HS6ST3: variants seen among roughly 807,000 people sequenced by gnomAD.
HS6ST3 encodes the protein heparan-sulfate 6-O-sulfotransferase 3.
A neutral mutation model predicts 36.7 loss-of-function variants in HS6ST3; 12 were observed. The observed-to-expected ratio is 0.33, with a 90% confidence interval of 0.21 to 0.53. HS6ST3 has a LOEUF of 0.53. Among genes scored for constraint, HS6ST3 ranks in the 20% least tolerant of loss-of-function variants. HS6ST3 has a pLI of 0.95. For synonymous variants in HS6ST3, 240 were observed against 257.5 expected, an observed-to-expected ratio of 0.93 and a Z score of 0.65; for missense variants, 584 against 640.9, an observed-to-expected ratio of 0.91 and a Z score of 0.96.
intron 1 of HS6ST3, among the ~76,000 whole-genome samples, chr13:96,168,431 TG>T (rs1202360712): frequency 2.6e-5 from 4 of 152,128 alleles, no homozygotes; most frequent in Non-Finnish European, 5.9e-5. Context: ...TCAGGTCAGG[TG>T]CAGTGGCTCA....
intron 1 of HS6ST3, among the ~76,000 whole-genome samples, chr13:96,472,097 G>A (rs553540710): frequency 6.6e-6 from 1 of 152,338 alleles, no homozygotes; most frequent in Admixed American, 6.5e-5. Flanking sequence ...TTTAAGGCCA[G>A]GGACAGGGCC....
intron 1 of HS6ST3, among the ~76,000 whole-genome samples, chr13:96,259,238 G>A (rs1286019192): frequency 6.6e-6 from 1 of 152,084 alleles, no homozygotes; most frequent in Non-Finnish European, 1.5e-5. Flanking sequence ...TGAAAACTCA[G>A]GTGGTGGCAA....
intron 1 of HS6ST3, among the ~76,000 whole-genome samples, chr13:96,472,968 GC>G (rs2055846615): frequency 6.6e-6 from 1 of 152,082 alleles, no homozygotes; most frequent in Non-Finnish European, 1.5e-5. Context: ...ACCATTGTTG[GC>G]CTGATTTTGT....
At chr13:96,438,410 C>T (rs1289809790) in intron 1 of HS6ST3, among the ~76,000 whole-genome samples, 1 of 152,182 alleles carries the variant, frequency 6.6e-6, no homozygotes, top group Non-Finnish European at 1.5e-5. Context: ...CAGAAGGGTG[C>T]AATGACTTAT....
At position 96,298,756 on chromosome 13, in the gene HS6ST3, G is replaced by T. The variant is rs1468288452; in HGVS notation, c.707+207187G>T. ...ATCGTGTTTGACCTCTGTGTCCTCT[G>T]CCTATTTTAAGGGCAGAAAGTAACA... On this transcript the variant is annotated intron_variant, in intron 1 of 1. Coordinates refer to ENST00000376705, the MANE Select transcript of HS6ST3 (RefSeq NM_153456.4). Among the ~76,000 whole-genome samples the T allele has an allele frequency of 3.9e-5, 6 of 152,122 alleles. No homozygotes were observed. In the East Asian group the frequency reaches 1.2e-3, roughly 29 times the overall value.
At chr13:96,307,551 G>A (rs1352274640) in intron 1 of HS6ST3, among the ~76,000 whole-genome samples, 1 of 151,738 alleles carries the variant, frequency 6.6e-6, no homozygotes, top group African/African-American at 2.4e-5. Context: ...CTGAACCTGT[G>A]GTGTTTACTA....
intron 1 of HS6ST3, among the ~76,000 whole-genome samples, chr13:96,248,217 A>G (rs2054592981): frequency 6.6e-6 from 1 of 152,188 alleles, no homozygotes; most frequent in Non-Finnish European, 1.5e-5. Context: ...AAAACCTTTT[A>G]TTGTTGTACA....
intron 1 of HS6ST3, among the ~76,000 whole-genome samples, chr13:96,274,302 C>A (rs1377416745): frequency 6.6e-6 from 1 of 151,876 alleles, no homozygotes; most frequent in Non-Finnish European, 1.5e-5. Context: ...TTCTGTTGGG[C>A]ATAAGCTTGG....
chr13:96,148,496 C>T (rs1268721343), intron 1 of HS6ST3, among the ~76,000 whole-genome samples: 1 of 152,112 alleles, frequency 6.6e-6, no homozygotes, highest in Non-Finnish European at 1.5e-5. Flanking sequence ...CTTCTGACTT[C>T]GGACCTGCAG....
Position 96,781,945 on chromosome 13 carries a change from G to A in HS6ST3, c.708-50545G>A, listed in dbSNP as rs570169920. 3.3e-5 allele frequency among the ~76,000 whole-genome samples: 5 copies of A among 152,246 alleles called. No homozygotes were observed. In the South Asian group the frequency reaches 6.2e-4, roughly 19 times the overall value. ...AATCAGGGACTGAAACCCTGAAAGA[G>A]TAATCTTATTTTCATAAATATGTTC... On this transcript the variant is annotated intron_variant, in intron 1 of 1. Transcript: ENST00000376705.
intron 1 of HS6ST3, among the ~76,000 whole-genome samples, chr13:96,284,900 A>G (rs146611967): frequency 1.4e-5 from 2 of 142,344 alleles, no homozygotes; most frequent in East Asian, 2.3e-4. Flanking sequence ...TTAAGATTGA[A>G]TGCATATTTG....
chr13:96,296,096 A>G (rs1594745918), intron 1 of HS6ST3, among the ~76,000 whole-genome samples: 1 of 152,170 alleles, frequency 6.6e-6, no homozygotes, highest in South Asian at 2.1e-4. Context: ...TTGCATTCGC[A>G]CTAGCCACAT....
At chr13:96,627,820 T>C (rs2056518368) in intron 1 of HS6ST3, among the ~76,000 whole-genome samples, 1 of 151,914 alleles carries the variant, frequency 6.6e-6, no homozygotes, top group Non-Finnish European at 1.5e-5. Context: ...CATAAATGTG[T>C]TTATAATATC....
intron 1 of HS6ST3, among the ~76,000 whole-genome samples, chr13:96,479,385 C>G (rs1216793740): frequency 6.6e-6 from 1 of 152,116 alleles, no homozygotes; most frequent in African/African-American, 2.4e-5. Flanking sequence ...TTAGGAGGCC[C>G]TTGAAGGCCA....
intron 1 of HS6ST3, among the ~76,000 whole-genome samples, chr13:96,510,603 G>C (rs2056045722): frequency 6.6e-6 from 1 of 152,142 alleles, no homozygotes; most frequent in South Asian, 2.1e-4. Flanking sequence ...GATAGCCTTA[G>C]TGTGTTGGCT....
At chr13:96,365,517 T>C (rs1321124954) in intron 1 of HS6ST3, among the ~76,000 whole-genome samples, 1 of 152,202 alleles carries the variant, frequency 6.6e-6, no homozygotes, top group Non-Finnish European at 1.5e-5. Flanking sequence ...GGCATTGAGA[T>C]GTTATAGGTA....
intron 1 of HS6ST3, among the ~76,000 whole-genome samples, chr13:96,503,343 A>AGG (rs944365006): frequency 3.3e-5 from 5 of 152,216 alleles, no homozygotes; most frequent in Admixed American, 1.3e-4. Flanking sequence ...GGCCTAGGTC[A>AGG]GGGCAGTGTC....
At chr13:96,102,898 C>T (rs557795003) in intron 1 of HS6ST3, among the ~76,000 whole-genome samples, 21 of 152,244 alleles carry the variant, frequency 1.4e-4, no homozygotes, top group African/African-American at 5.1e-4. Context: ...AAATGCAGTC[C>T]TATAGAAACA....
At chr13:96,173,669 TAAA>T (rs5805954) in intron 1 of HS6ST3, among the ~76,000 whole-genome samples, 19 of 94,862 alleles carry the variant, frequency 2.0e-4, no homozygotes, top group African/African-American at 6.6e-4. Context: ...TCACAGGTTG[TAAA>T]AAAAAAAAAA....
Sources: allele counts gnomAD v4.1 joint callset (sites outside exome capture counted in the v4.1 genomes callset), GRCh38; gene constraint gnomAD v4.1.1; transcripts MANE v1.5; gene names NCBI Gene and HGNC (gene_info 2026-07-23, HGNC 2026-07-21).